Variants in PDE4B observed in about 807,000 individuals in gnomAD.
PDE4B encodes 3',5'-cyclic-AMP phosphodiesterase 4B.
A neutral mutation model predicts 82.2 loss-of-function variants in PDE4B; 20 were observed. That is an observed-to-expected ratio of 0.24 (90% CI 0.17 to 0.35). PDE4B has a LOEUF of 0.35. Among genes scored for constraint, PDE4B ranks in the 10% least tolerant of loss-of-function variants. The pLI is 1.00. For missense variants in PDE4B, 655 were observed against 907.2 expected (o/e 0.72, Z 3.57); for synonymous variants, 320 against 318.9 (o/e 1.00, Z -0.04).
chr1:66,149,759 A>T (rs1305612996), intron 3 of PDE4B, among the ~76,000 whole-genome samples: 1 of 152,184 alleles, frequency 6.6e-6, no homozygotes, highest in Non-Finnish European at 1.5e-5. Context: ...AGGCGGAGGC[A>T]GGAGCATCCC....
chr1:66,084,657 G>A (rs778901386), intron 3 of PDE4B, among the ~76,000 whole-genome samples: 13 of 152,120 alleles, frequency 8.5e-5, no homozygotes, highest in Non-Finnish European at 1.9e-4. Context: ...AATGCTCTAG[G>A]GGTCTGGAAG....
At chr1:66,081,832 CTGTG>C (rs1242686089) in intron 3 of PDE4B, among the ~76,000 whole-genome samples, 151 of 125,174 alleles carry the variant, frequency 1.2e-3, no homozygotes, top group South Asian at 6.0e-3. Context: ...CTCTCTCTCT[CTGTG>C]TGTGTGTGTG....
chr1:65,931,118 T>C (rs890327123), intron 3 of PDE4B, among the ~76,000 whole-genome samples: 2 of 152,142 alleles, frequency 1.3e-5, no homozygotes, highest in African/African-American at 2.4e-5. Context: ...TAGAAATGTG[T>C]AGCACCTCTC....
chr1:66,024,898 T>C (rs1653351333), intron 3 of PDE4B, among the ~76,000 whole-genome samples: 1 of 151,950 alleles, frequency 6.6e-6, no homozygotes, highest in Non-Finnish European at 1.5e-5. Flanking sequence ...ACAATATTTA[T>C]ATATTTATTT....
At chr1:66,290,010 T>C (rs1240165054) in intron 7 of PDE4B, among the ~76,000 whole-genome samples, 5 of 152,192 alleles carry the variant, frequency 3.3e-5, no homozygotes, top group African/African-American at 4.8e-5. Flanking sequence ...GAGTGAGTAT[T>C]AATGCCAATG....
At chr1:66,192,524 A>G (rs1326974775) in intron 3 of PDE4B, among the ~76,000 whole-genome samples, 1 of 152,088 alleles carries the variant, frequency 6.6e-6, no homozygotes, top group African/African-American at 2.4e-5. Flanking sequence ...CCTCTTGGCC[A>G]TGAAACCCCG....
chr1:65,807,004 C>T (rs779501537), intron 1 of PDE4B, among the ~76,000 whole-genome samples: 1 of 152,186 alleles, frequency 6.6e-6, no homozygotes, highest in Non-Finnish European at 1.5e-5. Context: ...TATAGTTACT[C>T]TTCTACTGTG....
intron 7 of PDE4B, among the ~76,000 whole-genome samples, chr1:66,293,246 C>T (rs966838000): frequency 2.0e-5 from 3 of 152,126 alleles, no homozygotes; most frequent in Non-Finnish European, 2.9e-5. Flanking sequence ...TCCTCACGTG[C>T]AGCAGTCATT....
intron 7 of PDE4B, among the ~76,000 whole-genome samples, chr1:66,326,320 T>C (rs1351913802): frequency 6.6e-6 from 1 of 152,176 alleles, no homozygotes; most frequent in African/African-American, 2.4e-5. Context: ...ATGTAACCAG[T>C]TCCCAGACCA....
chr1:66,019,419 G>A (rs1433273447), intron 3 of PDE4B, among the ~76,000 whole-genome samples: 1 of 144,838 alleles, frequency 6.9e-6, no homozygotes, highest in Non-Finnish European at 1.5e-5. Context: ...GCAGTGATGT[G>A]ATCTTGGTTT....
chr1:66,112,727 C>T (rs1645514253), intron 3 of PDE4B: 1 of 152,134 alleles, frequency 6.6e-6, no homozygotes, highest in African/African-American at 2.4e-5. Context: ...TCATTATTGC[C>T]TCAACACCTT....
In PDE4B at chr1:66,257,641, C is replaced by A. The variant is rs1306687288; in HGVS notation, c.477-6C>A. On this transcript the variant is annotated splice_polypyrimidine_tract_variant and splice_region_variant and intron_variant, in intron 4 of 16. Coordinates refer to ENST00000341517, the MANE Select transcript of PDE4B (RefSeq NM_002600.4). Reference sequence around the variant, plus strand: ...TCTAAAGGTTCTTTTTTTCTCTTTTCACCAGACACGGCGATGACTTGATTG... The same window carrying A: ...TCTAAAGGTTCTTTTTTTCTCTTTTAACCAGACACGGCGATGACTTGATTG... 6 of 1,612,578 alleles carry A rather than the reference C, an allele frequency of 3.7e-6. No homozygotes were observed. In the South Asian group the frequency reaches 6.6e-5, roughly 18 times the overall value.
chr1:66,110,966 G>C (rs964258174), intron 3 of PDE4B, among the ~76,000 whole-genome samples: 2 of 152,022 alleles, frequency 1.3e-5, no homozygotes, highest in African/African-American at 4.8e-5. Context: ...TGACCAATTT[G>C]GGCAGAGCTG....
At chr1:65,951,442 C>G (rs769055931) in intron 3 of PDE4B, among the ~76,000 whole-genome samples, 1 of 152,000 alleles carries the variant, frequency 6.6e-6, no homozygotes, top group Non-Finnish European at 1.5e-5. Flanking sequence ...GAAATTTATG[C>G]ATTCTTTTTG....
intron 3 of PDE4B, among the ~76,000 whole-genome samples, chr1:66,020,612 A>C (rs945954325): frequency 6.6e-6 from 1 of 152,212 alleles, no homozygotes; most frequent in South Asian, 2.1e-4. Context: ...GATGGTTTCC[A>C]GCTTCATCCA....
intron 3 of PDE4B, among the ~76,000 whole-genome samples, chr1:66,102,412 C>G (rs1024311810): frequency 5.3e-5 from 8 of 151,982 alleles, no homozygotes; most frequent in Non-Finnish European, 8.8e-5. Flanking sequence ...ATTTATTATT[C>G]TAGCAGCACA....
At chr1:65,991,082 AT>A (rs3030069) in intron 3 of PDE4B, among the ~76,000 whole-genome samples, 13,780 of 147,078 alleles carry the variant, frequency 0.094, 725 homozygotes, top group Middle Eastern at 0.21. Flanking sequence ...CAGATGAATG[AT>A]TTTTTTTTTT....
rs1365813989 is a variant in PDE4B at position 66,368,079 on chromosome 1, G to A, written c.1662+14G>A. 1 of 1,611,130 alleles carries A rather than the reference G, an allele frequency of 6.2e-7. No homozygotes were observed. ...GATCGCATTCAGGTATTTGAGGAAA[G>A]TCTTTGATTTAACACAAAACCAAAC... is the stretch of plus-strand genomic sequence containing the variant. On this transcript the variant is annotated intron_variant, in intron 15 of 16. Coordinates refer to ENST00000341517, the MANE Select transcript of PDE4B (RefSeq NM_002600.4).
chr1:66,372,747 C>T lies in PDE4B; in HGVS notation c.*69C>T. The T allele has an allele frequency of 1.3e-6, 2 of 1,515,700 alleles. No individual in the cohort carries two copies. 93.9% of individuals were successfully genotyped at this position (1,515,700 alleles called of 1,614,324 possible). ...ATGCCAGCTATGTGGTAGGGCCAGC[C>T]CACCATGGGGGCCAAGACCTGCACA... On this transcript the variant is annotated 3_prime_UTR_variant, in exon 17 of 17. Coordinates refer to ENST00000341517, the MANE Select transcript of PDE4B (RefSeq NM_002600.4).
Sources: gnomAD v4.1 joint callset for allele counts (sites outside exome capture counted in the v4.1 genomes callset) on GRCh38, gnomAD v4.1.1 for gene constraint, MANE v1.5 for transcripts, NCBI Gene and HGNC (gene_info 2026-07-23, HGNC 2026-07-21) for gene names.